Variants in LPO observed in about 807,000 individuals in gnomAD.
The protein encoded by LPO is lactoperoxidase, also known as salivary peroxidase.
Under a neutral mutation model 68.4 loss-of-function variants are expected in LPO, and 70 were observed. The ratio of observed to expected loss-of-function variants is 1.02; its 90% confidence interval spans 0.84 to 1.25. LPO has a LOEUF of 1.25. Among genes scored for constraint, LPO ranks in the 50% most tolerant of loss-of-function variants. The pLI is 0.00. For missense variants in LPO, 873 were observed against 908.4 expected, an observed-to-expected ratio of 0.96 and a Z score of 0.50; for synonymous variants, 360 against 357.6, an observed-to-expected ratio of 1.01 and a Z score of -0.08.
intron 9 of LPO, among the ~76,000 whole-genome samples, chr17:58,256,826 C>CAAA (rs969464308): frequency 2.1e-3 from 156 of 74,562 alleles, no homozygotes; most frequent in African/African-American, 6.5e-3. Context: ...GACTCCCTTT[C>CAAA]AAAAAAAAAA....
At chr17:58,248,347 G>C (rs1969890581) in intron 4 of LPO, among the ~76,000 whole-genome samples, 2 of 152,222 alleles carry the variant, frequency 1.3e-5, no homozygotes, top group African/African-American at 4.8e-5. Context: ...GAAGCACTTT[G>C]ACCTCTGAAA....
At chr17:58,263,104 A>G (rs1361344030) in intron 9 of LPO, among the ~76,000 whole-genome samples, 1 of 151,142 alleles carries the variant, frequency 6.6e-6, no homozygotes, top group African/African-American at 2.4e-5. Flanking sequence ...TGTCACTCCC[A>G]CTCTGTTATT....
At chr17:58,266,118 C>T in intron 10 of LPO, 35 bp from the exon 11 acceptor site, 1 of 1,600,426 alleles carries the variant, frequency 6.2e-7, no homozygotes, top group Non-Finnish European at 8.5e-7. Context: ...ACTCTTCCCC[C>T]AACCTAAGCA....
At chr17:58,256,012 C>A (rs1051401771) in intron 9 of LPO, among the ~76,000 whole-genome samples, 2 of 152,188 alleles carry the variant, frequency 1.3e-5, no homozygotes, top group Admixed American at 1.3e-4. Context: ...CATCCACCCT[C>A]ACCCCTATAT....
chr17:58,267,351 T>C lies in LPO; in HGVS notation c.1696T>C (p.Tyr566His). 1.2e-6 allele frequency: 2 copies of C among 1,613,508 alleles called. No individual in the cohort carries two copies. The highest frequency in any genetic ancestry group is 1.3e-5 in the African/African-American group (1 of 75,024). ...CAGCCTCAGTCTCTCCACCCTAGGG[T>C]ACAATTCCTGGAGAGCCTTCTGTGA... is the stretch of plus-strand genomic sequence containing the variant. ...QRCRDHGQPG[Y>H]NSWRAFCDLS... The change falls in exon 12 of 13, where the codon TAC becomes CAC. Residue 566 changes from tyrosine (Y) to histidine (H), a missense_variant and splice_region_variant. Coordinates refer to ENST00000262290, the MANE Select transcript of LPO (RefSeq NM_006151.3).
At chr17:58,245,782 A>G (rs911749584) in intron 3 of LPO, among the ~76,000 whole-genome samples, 1 of 152,172 alleles carries the variant, frequency 6.6e-6, no homozygotes, top group African/African-American at 2.4e-5. Context: ...AAATGTCTCC[A>G]AAGGAAAATT....
chr17:58,257,884 C>G (rs1388360188), intron 9 of LPO, among the ~76,000 whole-genome samples: 1 of 152,180 alleles, frequency 6.6e-6, no homozygotes, highest in Non-Finnish European at 1.5e-5. Flanking sequence ...CTCTGATGAT[C>G]AATGATGTTG....
At chr17:58,246,289 G>C (rs1056327345) in intron 3 of LPO, among the ~76,000 whole-genome samples, 2 of 152,190 alleles carry the variant, frequency 1.3e-5, no homozygotes, top group African/African-American at 4.8e-5. Context: ...TGTCGCCCCA[G>C]GGTAAGCCAT....
intron 1 of LPO, among the ~76,000 whole-genome samples, chr17:58,242,513 G>A (rs1326017450): frequency 6.6e-6 from 1 of 152,186 alleles, no homozygotes; most frequent in East Asian, 1.9e-4. Context: ...AGGGAAGGAG[G>A]GAGGGGAACT....
rs1969874048 is a variant in LPO at position 58,247,541 on chromosome 17, T to C, written c.228T>C (p.His76=). Residue 76 remains histidine, a synonymous_variant, in exon 4 of 13, where the codon CAT becomes CAC. Transcript: ENST00000262290. The part of the protein sequence containing the change: ...TSRQLSEYLK[H]AKGRTRTAIR... ...GACAGCTCTCAGAATACCTCAAGCATGCCAAAGGCCGGACGCGCACAGCCA... is the reference window on the plus strand; with the variant it reads ...GACAGCTCTCAGAATACCTCAAGCACGCCAAAGGCCGGACGCGCACAGCCA... 2 of 1,614,050 alleles carry C rather than the reference T, an allele frequency of 1.2e-6. No individual in the cohort carries two copies. The highest frequency in any genetic ancestry group is 1.6e-4 in the Middle Eastern group (1 of 6,062).
intron 8 of LPO, among the ~76,000 whole-genome samples, chr17:58,253,556 T>C (rs1472731000): frequency 6.6e-6 from 1 of 152,234 alleles, no homozygotes; most frequent in African/African-American, 2.4e-5. Flanking sequence ...AAAGCCCTGC[T>C]AATTCTGTTC....
At chr17:58,243,089 G>C in intron 2 of LPO, 34 bp downstream of exon 2, 1 of 1,599,548 alleles carries the variant, frequency 6.3e-7, no homozygotes, top group Non-Finnish European at 8.6e-7. Context: ...TTCTGGGGCT[G>C]CTGTCACAAA....
intron 9 of LPO, 127 bp from the exon 10 acceptor site, chr17:58,264,595 T>G: frequency 1.1e-6 from 1 of 872,806 alleles, no homozygotes; most frequent in Non-Finnish European, 1.8e-6. Flanking sequence ...TGGGCACATA[T>G]GCTATCCATT....
chr17:58,252,134 C>A (rs770807407), intron 7 of LPO, 48 bp from the exon 8 acceptor site: 2 of 1,572,754 alleles, frequency 1.3e-6, no homozygotes, highest in Non-Finnish European at 1.7e-6. Context: ...TTGCCAGGAC[C>A]CAGCTGTTCC....
intron 9 of LPO, among the ~76,000 whole-genome samples, chr17:58,257,118 G>A (rs1037472985): frequency 1.4e-5 from 2 of 147,658 alleles, no homozygotes; most frequent in Admixed American, 1.4e-4. Flanking sequence ...ATTTTTAGTA[G>A]AGATAGGGTT....
chr17:58,255,543 G>A (rs1970055270), intron 9 of LPO, among the ~76,000 whole-genome samples: 1 of 152,184 alleles, frequency 6.6e-6, no homozygotes, highest in African/African-American at 2.4e-5. Context: ...GCAGCAGAGA[G>A]GCCGGGGGAA....
rs138644363 is a variant in LPO at position 58,251,140 on chromosome 17, G to A, written c.780+519G>A. On this transcript the variant is annotated intron_variant, in intron 7 of 12. Transcript: ENST00000262290. ...CTAAAAATACAAAAATTAGCCTGGCGAGGTGGCACATGCATGTGGTCCCAG... is the reference window on the plus strand; with the variant it reads ...CTAAAAATACAAAAATTAGCCTGGCAAGGTGGCACATGCATGTGGTCCCAG... 26 of 161,862 alleles carry A rather than the reference G, an allele frequency of 1.6e-4. No individual in the cohort carries two copies. The East Asian group carries it at 3.9e-3, about 24-fold the overall frequency. The allele number at this position is 161,862 out of a possible 1,614,324, so 10.0% of individuals were successfully genotyped here. A position where few individuals can be genotyped will look rare whatever the true frequency, so the allele number is the denominator to read the frequency against.
intron 7 of LPO, chr17:58,251,684 G>C (rs1191903137): frequency 2.8e-6 from 1 of 361,956 alleles, no homozygotes; most frequent in Non-Finnish European, 5.4e-6. Context: ...CAGTGTATAA[G>C]TTCTTAGGCA....
Position 58,249,702 on chromosome 17 carries a change from G to C in LPO, c.573+7G>C, listed in dbSNP as rs8178333. ...CGGCTTCCCTCTCCCGCTGGTGAGG[G>C]CAGGCCGGGCCGGGGTGAAGGATGG... On this transcript the variant is annotated splice_region_variant and intron_variant, in intron 6 of 12. Coordinates refer to ENST00000262290, the MANE Select transcript of LPO (RefSeq NM_006151.3). 1 of 1,556,652 alleles carries C rather than the reference G, an allele frequency of 6.4e-7. No individual in the cohort carries two copies. Among genetic ancestry groups the C allele is most frequent in the East Asian group, 2.3e-5 (1 of 42,928 alleles).
Sources: allele counts gnomAD v4.1 joint callset (sites outside exome capture counted in the v4.1 genomes callset), GRCh38; gene constraint gnomAD v4.1.1; transcripts MANE v1.5; gene names NCBI Gene and HGNC (gene_info 2026-07-23, HGNC 2026-07-21).